The following NR6A1 variants were observed in gnomAD, a reference collection of about 807,000 sequenced individuals.
The protein encoded by NR6A1 is retinoic acid receptor-related testis-associated receptor.
A neutral mutation model predicts 59.1 loss-of-function variants in NR6A1; 7 were observed. The ratio of observed to expected loss-of-function variants is 0.12; its 90% CI spans 0.07 to 0.22. The LOEUF is 0.22. Ranked by LOEUF, NR6A1 falls within the 10% of genes least tolerant of loss-of-function variation. NR6A1 has a pLI of 1.00. For synonymous variants in NR6A1, 243 were observed against 236.1 expected (o/e 1.03, Z -0.27); for missense variants, 468 against 611.6 (o/e 0.77, Z 2.48).
intron 2 of NR6A1, among the ~76,000 whole-genome samples, chr9:124,727,579 G>A (rs1839757047): frequency 1.3e-5 from 2 of 152,172 alleles, no homozygotes; most frequent in African/African-American, 4.8e-5. Flanking sequence ...TTAATCAGAA[G>A]TGAGAGATAG....
rs1353207903 is a variant in NR6A1 at position 124,668,610 on chromosome 9, T to C, written c.142+64698A>G. On this transcript the variant is annotated intron_variant, in intron 2 of 9. Transcript: ENST00000487099. ...ATATCTTAGTGTAGTTCATACACAA[T>C]GGAATCCATTCTCAACACCGATTTT... Among the ~76,000 whole-genome samples, 15 of 152,248 alleles carry C rather than the reference T, an allele frequency of 9.9e-5. 1 individual carries two copies. The highest frequency in any genetic ancestry group is 2.2e-4 in the Non-Finnish European group (15 of 68,046).
At chr9:124,628,367 T>TG (rs1200772809) in intron 2 of NR6A1, among the ~76,000 whole-genome samples, 2 of 152,082 alleles carry the variant, frequency 1.3e-5, no homozygotes, top group African/African-American at 4.8e-5. Context: ...TTTTTTGAGA[T>TG]GGAGTCTTGC....
Position 124,720,202 on chromosome 9 carries a change from C to G in NR6A1, c.142+13106G>C, listed in dbSNP as rs376975326. On this transcript the variant is annotated intron_variant, in intron 2 of 9. Transcript: ENST00000487099. ...AAGTAGCTGGGATTACAAGCATGCGCCACCACGTCCAGGTAATTTTGTATT... is the reference window on the plus strand; with the variant it reads ...AAGTAGCTGGGATTACAAGCATGCGGCACCACGTCCAGGTAATTTTGTATT... Among the ~76,000 whole-genome samples, 15 of 152,164 alleles carry G rather than the reference C, an allele frequency of 9.9e-5. No homozygotes were observed. The East Asian group carries it at 2.7e-3, about 28-fold the overall frequency.
intron 1 of NR6A1, among the ~76,000 whole-genome samples, chr9:124,750,582 A>G (rs920474228): frequency 3.6e-4 from 54 of 152,040 alleles, no homozygotes; most frequent in African/African-American, 1.3e-3. Context: ...AATATGGTGA[A>G]ACCCCGTCTC....
chr9:124,746,570 AG>A (rs1840341154), intron 1 of NR6A1, among the ~76,000 whole-genome samples: 1 of 152,216 alleles, frequency 6.6e-6, no homozygotes, highest in Non-Finnish European at 1.5e-5. Flanking sequence ...CCTGGGCAAC[AG>A]AGCGAGACTC....
intron 2 of NR6A1, among the ~76,000 whole-genome samples, chr9:124,698,089 C>A (rs996479537): frequency 3.9e-5 from 6 of 152,156 alleles, no homozygotes; most frequent in African/African-American, 1.2e-4. Flanking sequence ...ACGTTAACAA[C>A]TGTGATCTCA....
chr9:124,613,125 C>T (rs144069897), intron 2 of NR6A1, among the ~76,000 whole-genome samples: 87 of 151,854 alleles, frequency 5.7e-4, no homozygotes, highest in African/African-American at 1.9e-3. Context: ...CGCTTGAGGC[C>T]GGGAGTTTGA....
chr9:124,645,073 ATTGGTTAT>A (rs1836892968), intron 2 of NR6A1, among the ~76,000 whole-genome samples: 6 of 152,266 alleles, frequency 3.9e-5, no homozygotes, highest in Admixed American at 1.3e-4. Flanking sequence ...ATAGACTTGG[ATTGGTTAT>A]AAATATATAC....
chr9:124,764,820 AG>A (rs1706753609), intron 1 of NR6A1, among the ~76,000 whole-genome samples: 1 of 152,228 alleles, frequency 6.6e-6, no homozygotes, highest in African/African-American at 2.4e-5. Context: ...AACCACCCAC[AG>A]AGTATATCTT....
chr9:124,643,368 A>G (rs1176369650), intron 2 of NR6A1, among the ~76,000 whole-genome samples: 1 of 152,064 alleles, frequency 6.6e-6, no homozygotes, highest in Admixed American at 6.6e-5. Context: ...TGAGAGGCTG[A>G]GGCGGGTGGA....
At chr9:124,663,036 A>C (rs1837494126) in intron 2 of NR6A1, among the ~76,000 whole-genome samples, 1 of 152,254 alleles carries the variant, frequency 6.6e-6, no homozygotes, top group Admixed American at 6.5e-5. Flanking sequence ...GAAAAACTTT[A>C]AATGAAAATC....
chr9:124,734,780 C>A (rs1309503671), intron 1 of NR6A1, among the ~76,000 whole-genome samples: 1 of 152,172 alleles, frequency 6.6e-6, no homozygotes, highest in African/African-American at 2.4e-5. Flanking sequence ...AAAAGCCAGA[C>A]CAACAACTAG....
chr9:124,631,731 A>G lies in NR6A1; in HGVS notation c.143-77161T>C, dbSNP rs187106047. Among the ~76,000 whole-genome samples, 5 of 152,184 alleles carry G rather than the reference A, an allele frequency of 3.3e-5. No individual in the cohort carries two copies. In the East Asian group the frequency reaches 9.6e-4, roughly 29 times the overall value. On this transcript the variant is annotated intron_variant, in intron 2 of 9. Coordinates refer to ENST00000487099, the MANE Select transcript of NR6A1 (RefSeq NM_033334.4). The stretch of plus-strand genomic sequence containing the variant: ...TTTGTTACACAGGTAAACATGTCTC[A>G]TGGAAGTTTGTTGTACAGATCATTT...
intron 2 of NR6A1, among the ~76,000 whole-genome samples, chr9:124,561,571 G>C (rs1564179799): frequency 6.6e-6 from 1 of 152,186 alleles, no homozygotes; most frequent in Non-Finnish European, 1.5e-5. Flanking sequence ...ATAAGTGTTA[G>C]ACAAAATTGT....
intron 2 of NR6A1, among the ~76,000 whole-genome samples, chr9:124,696,100 T>C (rs1006198977): frequency 4.0e-5 from 6 of 151,868 alleles, no homozygotes; most frequent in African/African-American, 1.5e-4. Flanking sequence ...TATTAGGGAG[T>C]CATAAGGAAT....
intron 2 of NR6A1, among the ~76,000 whole-genome samples, chr9:124,644,020 C>T (rs1357466279): frequency 4.6e-5 from 7 of 152,160 alleles, no homozygotes; most frequent in Non-Finnish European, 7.3e-5. Context: ...CCAGCTTCAA[C>T]CTCCCAAGTA....
intron 2 of NR6A1, among the ~76,000 whole-genome samples, chr9:124,660,742 T>C (rs1344434009): frequency 1.3e-5 from 2 of 151,780 alleles, no homozygotes; most frequent in African/African-American, 2.4e-5. Context: ...AAAAGCTCTA[T>C]TGTTGGAGTA....
chr9:124,653,467 G>C (rs570756792), intron 2 of NR6A1, among the ~76,000 whole-genome samples: 31 of 152,190 alleles, frequency 2.0e-4, no homozygotes, highest in Admixed American at 1.9e-3. Context: ...CTGGAGTATG[G>C]TGGCATCATC....
At chr9:124,689,063 T>C (rs1378709930) in intron 2 of NR6A1, among the ~76,000 whole-genome samples, 2 of 152,302 alleles carry the variant, frequency 1.3e-5, no homozygotes, top group African/African-American at 4.8e-5. Context: ...ACACATACAA[T>C]ACAACAGCTA....
Sources: gnomAD v4.1 joint callset for allele counts (sites outside exome capture counted in the v4.1 genomes callset) on GRCh38, gnomAD v4.1.1 for gene constraint, MANE v1.5 for transcripts, NCBI Gene and HGNC (gene_info 2026-07-23, HGNC 2026-07-21) for gene names.